Variants in SYT9 observed in about 807,000 individuals in gnomAD.
SYT9 encodes the protein synaptotagmin 9.
In SYT9, 22 loss-of-function variants were observed where a neutral mutation model predicts 48.4. The ratio of observed to expected loss-of-function variants is 0.45; its 90% confidence interval spans 0.32 to 0.65. SYT9 has a LOEUF of 0.65. Ranked by LOEUF, SYT9 falls within the 30% of genes least tolerant of loss-of-function variation. The pLI is 0.03. For synonymous variants in SYT9, 265 were observed against 245.0 expected (o/e 1.08, Z -0.76); for missense variants, 577 against 622.0 (o/e 0.93, Z 0.77).
At chr11:7,275,977 C>A (rs1429919720) in intron 1 of SYT9, among the ~76,000 whole-genome samples, 1 of 152,156 alleles carries the variant, frequency 6.6e-6, no homozygotes, top group Non-Finnish European at 1.5e-5. Context: ...CGCCTCACCC[C>A]CAACTAGAAT....
intron 2 of SYT9, among the ~76,000 whole-genome samples, chr11:7,305,391 T>C (rs896175567): frequency 1.3e-5 from 2 of 152,198 alleles, no homozygotes; most frequent in Non-Finnish European, 2.9e-5. Flanking sequence ...ACTGACCTAG[T>C]TTTATGGGGT....
Position 7,252,649 on chromosome 11 carries a change from C to A in SYT9, c.145+318C>A, listed in dbSNP as rs917333567. 6.6e-6 allele frequency among the ~76,000 whole-genome samples: 1 copy of A among 152,216 alleles called. No homozygotes were observed. The highest frequency in any genetic ancestry group is 6.5e-5 in the Admixed American group (1 of 15,292). Reference sequence around the variant, plus strand: ...GCTCCGAGCTACGCTCTCCACTTCCCGGGCTATCTGCACTCAGAGCGAGGG... The same window carrying A: ...GCTCCGAGCTACGCTCTCCACTTCCAGGGCTATCTGCACTCAGAGCGAGGG... On this transcript the variant is annotated intron_variant, in intron 1 of 6. Transcript: ENST00000318881. The surrounding 1 kb of genome is among the most constrained non-coding windows in gnomAD (Gnocchi z 6.3).
chr11:7,365,990 C>A (rs1420272102), intron 3 of SYT9, among the ~76,000 whole-genome samples: 1 of 152,146 alleles, frequency 6.6e-6, no homozygotes, highest in Non-Finnish European at 1.5e-5. Flanking sequence ...TTGTAATTGC[C>A]CTTGAAGAAA....
chr11:7,268,284 C>T (rs1434588070), intron 1 of SYT9, among the ~76,000 whole-genome samples: 1 of 151,824 alleles, frequency 6.6e-6, no homozygotes, highest in African/African-American at 2.4e-5. Context: ...GGCTTATGCA[C>T]GTTAAATATT....
chr11:7,330,919 A>G (rs558385568), intron 3 of SYT9, among the ~76,000 whole-genome samples: 22 of 151,168 alleles, frequency 1.5e-4, no homozygotes, highest in African/African-American at 5.1e-4. Context: ...CTGGTCTTGA[A>G]CTCCTGACCT....
intron 3 of SYT9, among the ~76,000 whole-genome samples, chr11:7,316,975 C>T (rs551673909): frequency 1.3e-5 from 2 of 152,330 alleles, no homozygotes; most frequent in East Asian, 3.9e-4. Flanking sequence ...TGTTGATTCA[C>T]ATAGGCTTTT....
intron 6 of SYT9, among the ~76,000 whole-genome samples, chr11:7,450,692 T>C (rs2134147712): frequency 6.6e-6 from 1 of 152,340 alleles, no homozygotes; most frequent in Non-Finnish European, 1.5e-5. Context: ...TAGGAAAGGC[T>C]TTCTCTCTTC....
chr11:7,247,071 A>C (rs1847801329), upstream of SYT9, among the ~76,000 whole-genome samples: 1 of 152,224 alleles, frequency 6.6e-6, no homozygotes, highest in African/African-American at 2.4e-5. Flanking sequence ...TGGCAGAGAG[A>C]AAGCAAACTC....
At chr11:7,300,349 A>G (rs1848895629) in intron 1 of SYT9, among the ~76,000 whole-genome samples, 1 of 152,208 alleles carries the variant, frequency 6.6e-6, no homozygotes. Context: ...CTCATGCAGA[A>G]TGTGGGAGCA....
chr11:7,390,795 G>C (rs967381070), intron 3 of SYT9, among the ~76,000 whole-genome samples: 4 of 152,232 alleles, frequency 2.6e-5, no homozygotes, highest in African/African-American at 9.6e-5. Flanking sequence ...ATAGTCCTTT[G>C]CAAAAATCCA....
intron 1 of SYT9, among the ~76,000 whole-genome samples, chr11:7,245,038 T>C (rs776327394): frequency 1.3e-5 from 2 of 152,204 alleles, no homozygotes; most frequent in Admixed American, 6.5e-5. Flanking sequence ...ACCTGAGCAA[T>C]GTCACACAAA....
intron 3 of SYT9, among the ~76,000 whole-genome samples, chr11:7,395,287 G>A (rs1589995411): frequency 6.6e-6 from 1 of 152,116 alleles, no homozygotes; most frequent in South Asian, 2.1e-4. Context: ...TTCAGATTAT[G>A]TTCTGTGTGC....
chr11:7,444,789 T>C (rs1051871701), intron 6 of SYT9, among the ~76,000 whole-genome samples: 2 of 152,056 alleles, frequency 1.3e-5, no homozygotes, highest in Non-Finnish European at 2.9e-5. Flanking sequence ...GCCTTTGATC[T>C]CCCATGGAGT....
chr11:7,449,464 G>C (rs1378158336), intron 6 of SYT9, among the ~76,000 whole-genome samples: 1 of 151,930 alleles, frequency 6.6e-6, no homozygotes, highest in Non-Finnish European at 1.5e-5. Context: ...GACTTCAAAA[G>C]AGAACCAGGA....
chr11:7,382,117 T>C (rs1281592876), intron 3 of SYT9, among the ~76,000 whole-genome samples: 2 of 152,194 alleles, frequency 1.3e-5, no homozygotes, highest in Non-Finnish European at 2.9e-5. Flanking sequence ...AACAAGCAAC[T>C]GAGGCTCCCT....
chr11:7,321,765 C>T (rs1355350720), intron 3 of SYT9, among the ~76,000 whole-genome samples: 6 of 152,086 alleles, frequency 3.9e-5, no homozygotes, highest in East Asian at 1.9e-4. Context: ...AATTAAAGGG[C>T]GGGTTAATGC....
At chr11:7,346,497 G>A (rs1043290419) in intron 3 of SYT9, among the ~76,000 whole-genome samples, 3 of 152,186 alleles carry the variant, frequency 2.0e-5, no homozygotes, top group Admixed American at 1.3e-4. Context: ...GAATCCAAAG[G>A]TAAGAAGTCA....
intron 3 of SYT9, among the ~76,000 whole-genome samples, chr11:7,391,747 A>C (rs1247960336): frequency 1.4e-5 from 2 of 145,264 alleles, no homozygotes; most frequent in Non-Finnish European, 3.0e-5. Flanking sequence ...AAAAAAAAAA[A>C]AAAAAAAAAA....
intron 2 of SYT9, among the ~76,000 whole-genome samples, chr11:7,309,437 T>A (rs959970918): frequency 1.3e-5 from 2 of 152,096 alleles, no homozygotes; most frequent in Admixed American, 6.6e-5. Flanking sequence ...CAGTCACAGA[T>A]CTCTCTTTGC....
Sources: gnomAD v4.1 joint callset for allele counts (sites outside exome capture counted in the v4.1 genomes callset) on GRCh38, gnomAD v4.1.1 for gene constraint, Gnocchi (gnomAD v3.1) non-coding constraint, MANE v1.5 for transcripts, NCBI Gene and HGNC (gene_info 2026-07-23, HGNC 2026-07-21) for gene names.